The following CELF2 variants were observed in gnomAD, a reference collection of about 807,000 sequenced individuals.
CELF2 encodes CUG triplet repeat RNA-binding protein 2.
A neutral mutation model predicts 62.6 loss-of-function variants in CELF2; 8 were observed. The observed-to-expected ratio is 0.13, with a 90% CI of 0.07 to 0.23. The LOEUF (loss-of-function observed/expected upper bound fraction) is 0.23, where lower values mean the gene tolerates loss of function less well. Among genes scored for constraint, CELF2 ranks in the 10% least tolerant of loss-of-function variants. The pLI is 1.00. For missense variants in CELF2, 333 were observed against 671.0 expected, an observed-to-expected ratio of 0.50 and a Z score of 5.56; for synonymous variants, 258 against 250.0, an observed-to-expected ratio of 1.03 and a Z score of -0.30.
At chr10:11,132,413 A>G (rs964641524) in intron 1 of CELF2, among the ~76,000 whole-genome samples, 10 of 152,252 alleles carry the variant, frequency 6.6e-5, no homozygotes, top group African/African-American at 1.4e-4. Context: ...AAATACGGAC[A>G]TATTTTCATC....
At chr10:10,499,309 T>C in the CELF2 span, among the ~76,000 whole-genome samples, 2 of 152,182 alleles carry the variant, frequency 1.3e-5, no homozygotes, top group African/African-American at 4.8e-5. Context: ...CAAGCGATTC[T>C]CCTGTCTCAG....
chr10:10,491,515 T>C, the CELF2 span, among the ~76,000 whole-genome samples: 8 of 152,206 alleles, frequency 5.3e-5, no homozygotes, highest in Non-Finnish European at 8.8e-5. Context: ...TATGGGTGGC[T>C]CCTGGACTGT....
At chr10:11,084,304 A>C (rs1231977892) in intron 1 of CELF2, among the ~76,000 whole-genome samples, 1 of 152,196 alleles carries the variant, frequency 6.6e-6, no homozygotes, top group Non-Finnish European at 1.5e-5. Flanking sequence ...CAGCCAGAGG[A>C]ATGCATGGAC....
At chr10:10,745,083 T>A in the CELF2 span, among the ~76,000 whole-genome samples, 3 of 148,510 alleles carry the variant, frequency 2.0e-5, no homozygotes, top group East Asian at 5.9e-4. Flanking sequence ...AGAACGTGGC[T>A]GCCGTCAAAT....
the CELF2 span, among the ~76,000 whole-genome samples, chr10:10,590,478 G>T: frequency 6.6e-5 from 10 of 152,204 alleles, no homozygotes; most frequent in Non-Finnish European, 1.5e-4. Flanking sequence ...ACAATTTTCA[G>T]TCCCAAATTG....
chr10:10,902,518 T>A (rs1359656594), intron 1 of CELF2, among the ~76,000 whole-genome samples: 1 of 152,156 alleles, frequency 6.6e-6, no homozygotes. Context: ...TACCATAGGA[T>A]TCTATTTATG....
At chr10:11,144,305 C>T (rs2061857313) in intron 1 of CELF2, among the ~76,000 whole-genome samples, 1 of 152,136 alleles carries the variant, frequency 6.6e-6, no homozygotes, top group African/African-American at 2.4e-5. Context: ...AGGCAAAATA[C>T]ACAAATAGTA....
At chr10:10,492,144 TTGAC>T in the CELF2 span, among the ~76,000 whole-genome samples, 1 of 152,224 alleles carries the variant, frequency 6.6e-6, no homozygotes, top group African/African-American at 2.4e-5. Flanking sequence ...CATTAAGCAC[TTGAC>T]TGTACTTCTC....
chr10:10,913,680 T>C (rs1483903411), intron 1 of CELF2, among the ~76,000 whole-genome samples: 1 of 151,702 alleles, frequency 6.6e-6, no homozygotes, highest in African/African-American at 2.4e-5. Context: ...TGTGAGCCGC[T>C]GCACCCAGCC....
intron 2 of CELF2, among the ~76,000 whole-genome samples, chr10:11,167,890 A>C (rs1038735734): frequency 6.6e-6 from 1 of 152,198 alleles, no homozygotes; most frequent in Non-Finnish European, 1.5e-5. Flanking sequence ...TGAGGCTTAT[A>C]AGAAGTTAAG....
At chr10:10,932,163 A>G (rs1402671189) in intron 2 of CELF2, among the ~76,000 whole-genome samples, 1 of 152,136 alleles carries the variant, frequency 6.6e-6, no homozygotes, top group Non-Finnish European at 1.5e-5. Context: ...TGGGGGATAC[A>G]AGGTACGATG....
At chr10:11,291,848 G>A (rs965434959) in intron 9 of CELF2, among the ~76,000 whole-genome samples, 4 of 152,186 alleles carry the variant, frequency 2.6e-5, no homozygotes, top group African/African-American at 9.7e-5. Context: ...AGTTAGTTTT[G>A]TCTGGTAATT....
At chr10:10,683,757 T>C in the CELF2 span, among the ~76,000 whole-genome samples, 1 of 152,152 alleles carries the variant, frequency 6.6e-6, no homozygotes, top group Non-Finnish European at 1.5e-5. Flanking sequence ...GAAAAAAACT[T>C]ACGATTTCAT....
At chr10:11,201,411 T>TTGTG (rs375374480) in intron 2 of CELF2, among the ~76,000 whole-genome samples, 1 of 152,012 alleles carries the variant, frequency 6.6e-6, no homozygotes, top group Non-Finnish European at 1.5e-5. Context: ...TCTTTGGTTT[T>TTGTG]TGTGTGTGTG....
intron 1 of CELF2, among the ~76,000 whole-genome samples, chr10:11,060,926 T>C (rs1040632998): frequency 1.3e-5 from 2 of 152,214 alleles, no homozygotes; most frequent in African/African-American, 4.8e-5. Context: ...TTCTCTGTCT[T>C]TCTCCCTCCA....
chr10:10,487,540 C>T, the CELF2 span, among the ~76,000 whole-genome samples: 1 of 152,112 alleles, frequency 6.6e-6, no homozygotes, highest in African/African-American at 2.4e-5. Flanking sequence ...TCATGACGTC[C>T]ATGACCCCAT....
intron 3 of CELF2, among the ~76,000 whole-genome samples, chr10:11,235,289 A>C (rs1241954168): frequency 2.0e-5 from 3 of 152,210 alleles, no homozygotes; most frequent in African/African-American, 7.2e-5. Flanking sequence ...GTCAATAAAG[A>C]GTTCTTGCTT....
At chr10:11,293,318 C>T (rs2092758404) in intron 9 of CELF2, among the ~76,000 whole-genome samples, 1 of 152,246 alleles carries the variant, frequency 6.6e-6, no homozygotes, top group Non-Finnish European at 1.5e-5. Context: ...GTTTATGCTG[C>T]TTCTGTAATT....
chr10:10,627,177 G>A, the CELF2 span, among the ~76,000 whole-genome samples: 143 of 152,266 alleles, frequency 9.4e-4, 1 homozygote, highest in South Asian at 2.3e-3. Context: ...GTGAACAAAC[G>A]TCAGAGAGGT....
Sources: allele counts gnomAD v4.1 joint callset (sites outside exome capture counted in the v4.1 genomes callset), GRCh38; gene constraint gnomAD v4.1.1; transcripts MANE v1.5; gene names NCBI Gene and HGNC (gene_info 2026-07-23, HGNC 2026-07-21).